Variants in TBC1D5 observed in about 807,000 individuals in gnomAD.
TBC1D5 encodes the protein TBC1 domain family, member 5.
TBC1D5 carries 75 observed loss-of-function variants against 100.3 expected under a neutral mutation model. That is an observed-to-expected ratio of 0.75 (90% confidence interval 0.62 to 0.91). The LOEUF (loss-of-function observed/expected upper bound fraction) is 0.91, where lower values mean the gene tolerates loss of function less well. Ranked by LOEUF, TBC1D5 falls within the 40% of genes least tolerant of loss-of-function variation. The probability of loss-of-function intolerance (pLI) is 0.00; values close to 1 mark genes in which losing one functional copy is unlikely to be tolerated. For missense variants in TBC1D5, 910 were observed against 942.4 expected (o/e 0.97, Z 0.45); for synonymous variants, 323 against 325.6 (o/e 0.99, Z 0.09).
At chr3:17,192,779 G>A (rs1292583237) in intron 18 of TBC1D5, among the ~76,000 whole-genome samples, 1 of 152,244 alleles carries the variant, frequency 6.6e-6, no homozygotes, top group Non-Finnish European at 1.5e-5. Flanking sequence ...CCAGGTAGCT[G>A]GGCAAGTAGC....
At chr3:17,343,710 T>C (rs1260783330) in intron 13 of TBC1D5, among the ~76,000 whole-genome samples, 5 of 152,058 alleles carry the variant, frequency 3.3e-5, no homozygotes, top group East Asian at 1.9e-4. Context: ...GTGTATGTGT[T>C]GAGGAATTTA....
intron 19 of TBC1D5, among the ~76,000 whole-genome samples, chr3:17,173,686 C>A (rs2067390898): frequency 6.6e-6 from 1 of 152,104 alleles, no homozygotes; most frequent in African/African-American, 2.4e-5. Context: ...ATTCAGATAT[C>A]TGGATTCTGT....
At chr3:17,686,095 G>A (rs1403314413) in intron 1 of TBC1D5, among the ~76,000 whole-genome samples, 1 of 152,094 alleles carries the variant, frequency 6.6e-6, no homozygotes, top group African/African-American at 2.4e-5. Context: ...GATTTCAGAC[G>A]TGAAAGACAA....
At chr3:17,168,191 TC>T (rs1348836901) in intron 19 of TBC1D5, among the ~76,000 whole-genome samples, 2 of 152,208 alleles carry the variant, frequency 1.3e-5, no homozygotes, top group Non-Finnish European at 2.9e-5. Context: ...CTGTATAGCC[TC>T]ATGGGTCAAT....
At chr3:17,467,193 C>T (rs2095314138) in intron 3 of TBC1D5, among the ~76,000 whole-genome samples, 1 of 151,418 alleles carries the variant, frequency 6.6e-6, no homozygotes, top group Admixed American at 6.6e-5. Flanking sequence ...AGGTCTGATC[C>T]TTCATCCCAT....
At chr3:17,357,512 G>T (rs554767324) in intron 13 of TBC1D5, among the ~76,000 whole-genome samples, 2 of 152,136 alleles carry the variant, frequency 1.3e-5, no homozygotes, top group Admixed American at 6.5e-5. Context: ...AGAGGTGATC[G>T]ACGTAGAGAA....
Position 17,717,598 on chromosome 3 carries a change from T to C in TBC1D5, c.-101+21745A>G, listed in dbSNP as rs2075344380. On this transcript the variant is annotated intron_variant, in intron 1 of 21. Coordinates refer to ENST00000253692, the Ensembl canonical transcript of TBC1D5. ...ACTGATAGAACAGTCTTGTTACACA[T>C]GTTCCTGGCCTGTTGCTCCTCCTGG... Among the ~76,000 whole-genome samples, 4 of 152,224 alleles carry C rather than the reference T, an allele frequency of 2.6e-5. No individual in the cohort carries two copies. In the South Asian group the frequency reaches 8.3e-4, roughly 31 times the overall value.
At chr3:17,452,842 T>C (rs115019871) in intron 3 of TBC1D5, among the ~76,000 whole-genome samples, 5,759 of 152,122 alleles carry the variant, frequency 0.038, 164 homozygotes, top group Non-Finnish European at 0.054. Flanking sequence ...GAACATTTCA[T>C]CCAACAGGTT....
intron 3 of TBC1D5, among the ~76,000 whole-genome samples, chr3:17,484,489 T>TGTGTGTG (rs2095536751): frequency 2.3e-5 from 3 of 133,286 alleles, no homozygotes; most frequent in African/African-American, 8.5e-5. Context: ...TGTGTGTGTG[T>TGTGTGTG]TTGGGTAACA....
At chr3:17,422,488 C>T (rs1308575817) in intron 4 of TBC1D5, among the ~76,000 whole-genome samples, 1 of 151,812 alleles carries the variant, frequency 6.6e-6, no homozygotes, top group Non-Finnish European at 1.5e-5. Flanking sequence ...AGCCTGCTCT[C>T]GTCCAATGAG....
Position 17,699,268 on chromosome 3 carries a change from T to C in TBC1D5, c.-101+40075A>G, listed in dbSNP as rs1250396776. On this transcript the variant is annotated intron_variant, in intron 1 of 21. Transcript: ENST00000253692. ...GGGACATGGATGAAATTGGAAATCATCATTCTCAGTAAACTATCGCAAGAA... is the reference window on the plus strand; with the variant it reads ...GGGACATGGATGAAATTGGAAATCACCATTCTCAGTAAACTATCGCAAGAA... Among the ~76,000 whole-genome samples, 49 of 140,436 alleles carry C rather than the reference T, an allele frequency of 3.5e-4. 1 individual carries two copies. Among genetic ancestry groups the C allele is most frequent in the Non-Finnish European group, 3.7e-4 (24 of 64,732 alleles). 92.1% of individuals were successfully genotyped at this position (140,436 alleles called of 152,430 possible). A position where few individuals can be genotyped will look rare whatever the true frequency, so the allele number is the denominator to read the frequency against.
At chr3:17,632,775 T>C (rs2063603165) in intron 1 of TBC1D5, among the ~76,000 whole-genome samples, 1 of 152,200 alleles carries the variant, frequency 6.6e-6, no homozygotes, top group African/African-American at 2.4e-5. Context: ...GTATGTACGT[T>C]GTTTTTTACA....
chr3:17,224,071 G>T (rs1470015664), intron 17 of TBC1D5, among the ~76,000 whole-genome samples: 1 of 152,236 alleles, frequency 6.6e-6, no homozygotes, highest in East Asian at 1.9e-4. Flanking sequence ...CAATTTTTAG[G>T]ATACATATAT....
chr3:17,528,257 C>T (rs1047172713), intron 2 of TBC1D5, among the ~76,000 whole-genome samples: 7 of 152,142 alleles, frequency 4.6e-5, no homozygotes, highest in Non-Finnish European at 5.9e-5. Context: ...GTAGGGCCTT[C>T]AGGAGGTGAT....
chr3:17,359,112 A>C (rs1224694479), intron 13 of TBC1D5, among the ~76,000 whole-genome samples: 3 of 152,144 alleles, frequency 2.0e-5, no homozygotes, highest in Non-Finnish European at 4.4e-5. Context: ...AAGAACCAAA[A>C]GTAGTCAAAA....
At chr3:17,458,580 G>GTGTC (rs1255271064) in intron 3 of TBC1D5, among the ~76,000 whole-genome samples, 1 of 152,138 alleles carries the variant, frequency 6.6e-6, no homozygotes, top group African/African-American at 2.4e-5. Flanking sequence ...CTTTCTAGAG[G>GTGTC]TGTACAGCTG....
chr3:17,562,748 C>T (rs1358795203), intron 2 of TBC1D5, among the ~76,000 whole-genome samples: 1 of 152,162 alleles, frequency 6.6e-6, no homozygotes, highest in East Asian at 1.9e-4. Flanking sequence ...AGATGCACAA[C>T]ATATTCCTGG....
chr3:17,427,302 A>G (rs1441699608), intron 4 of TBC1D5, among the ~76,000 whole-genome samples: 3 of 151,986 alleles, frequency 2.0e-5, no homozygotes, highest in Non-Finnish European at 4.4e-5. Context: ...ATGGTATAAA[A>G]TAAAGATATC....
At chr3:17,487,564 G>C (rs1472947191) in intron 3 of TBC1D5, among the ~76,000 whole-genome samples, 1 of 152,172 alleles carries the variant, frequency 6.6e-6, no homozygotes, top group Non-Finnish European at 1.5e-5. Context: ...CTAGGAGTGA[G>C]ACTGAGAACT....
Sources: gnomAD v4.1 joint callset for allele counts (sites outside exome capture counted in the v4.1 genomes callset) on GRCh38, gnomAD v4.1.1 for gene constraint, MANE v1.5 for transcripts, NCBI Gene and HGNC (gene_info 2026-07-23, HGNC 2026-07-21) for gene names.